The following PEBP4 variants were observed in gnomAD, a reference collection of about 807,000 sequenced individuals.
PEBP4 encodes the protein phosphatidylethanolamine binding protein 4.
In PEBP4, 22 loss-of-function variants were observed where a neutral mutation model predicts 23.9. The observed-to-expected ratio is 0.92, with a 90% CI of 0.66 to 1.31. The LOEUF (loss-of-function observed/expected upper bound fraction) is 1.31, where lower values mean the gene tolerates loss of function less well. PEBP4 is among the 40% of genes most tolerant of loss of function. The pLI is 0.00. For synonymous variants in PEBP4, 112 were observed against 99.3 expected, an observed-to-expected ratio of 1.13 and a Z score of -0.76; for missense variants, 324 against 281.7, an observed-to-expected ratio of 1.15 and a Z score of -1.07.
chr8:22,897,049 G>GTA (rs151263075), intron 3 of PEBP4, among the ~76,000 whole-genome samples: 1,544 of 151,328 alleles, frequency 0.01, 24 homozygotes, highest in African/African-American at 0.035. Context: ...GTGTGTGTAT[G>GTA]TATATATATA....
intron 6 of PEBP4, among the ~76,000 whole-genome samples, chr8:22,722,259 C>G (rs77897470): frequency 0.038 from 5,827 of 152,260 alleles, 141 homozygotes; most frequent in Admixed American, 0.045. Flanking sequence ...TCCTCCTTCT[C>G]TAGGGCCCAG....
At chr8:22,750,630 TG>T (rs371429517) in intron 4 of PEBP4, among the ~76,000 whole-genome samples, 113 of 152,284 alleles carry the variant, frequency 7.4e-4, no homozygotes, top group African/African-American at 2.6e-3. Context: ...CGTGGGAGTT[TG>T]TTTTTTTTCC....
intron 4 of PEBP4, among the ~76,000 whole-genome samples, chr8:22,788,992 G>A (rs571328892): frequency 1.3e-5 from 2 of 152,300 alleles, no homozygotes; most frequent in Non-Finnish European, 2.9e-5. Context: ...ATTATGTGTT[G>A]ACATGGGAAA....
chr8:22,742,227 C>G (rs761421944), intron 4 of PEBP4, among the ~76,000 whole-genome samples: 19 of 152,228 alleles, frequency 1.2e-4, no homozygotes, highest in Non-Finnish European at 2.2e-4. Context: ...GCTGTGCACA[C>G]AAGCAAGGGG....
intron 4 of PEBP4, among the ~76,000 whole-genome samples, chr8:22,729,460 G>A (rs1351117527): frequency 1.3e-5 from 2 of 152,262 alleles, no homozygotes; most frequent in Admixed American, 6.5e-5. Flanking sequence ...CAAGGGTGGG[G>A]GCCAGGGCCA....
intron 6 of PEBP4, among the ~76,000 whole-genome samples, chr8:22,722,863 C>G (rs934922200): frequency 2.6e-5 from 4 of 151,862 alleles, no homozygotes. Flanking sequence ...AGCTCCGCCT[C>G]CCAGGTTCAT....
chr8:22,720,423 GTGGTGGGCA>G (rs1804495545), intron 6 of PEBP4, among the ~76,000 whole-genome samples: 1 of 152,240 alleles, frequency 6.6e-6, no homozygotes, highest in Non-Finnish European at 1.5e-5. Flanking sequence ...CAGATGGGCA[GTGGTGGGCA>G]GGCAGATGTG....
intron 4 of PEBP4, among the ~76,000 whole-genome samples, chr8:22,772,288 ATAAT>A (rs1355686427): frequency 1.3e-5 from 2 of 152,228 alleles, no homozygotes; most frequent in Non-Finnish European, 2.9e-5. Context: ...GAGCAGGGAA[ATAAT>A]TGGACATGGT....
intron 6 of PEBP4, among the ~76,000 whole-genome samples, chr8:22,723,453 CGA>C (rs1804559425): frequency 6.6e-6 from 1 of 152,126 alleles, no homozygotes; most frequent in African/African-American, 2.4e-5. Context: ...ACTTCACCCC[CGA>C]GAGACTCCCG....
chr8:22,914,490 C>A (rs1364371204), intron 3 of PEBP4, among the ~76,000 whole-genome samples: 2 of 152,258 alleles, frequency 1.3e-5, no homozygotes, highest in African/African-American at 4.8e-5. Flanking sequence ...GTAGCCTACT[C>A]CATGGGATCC....
chr8:22,860,187 T>A lies in PEBP4; in HGVS notation c.259-42452A>T. Among the ~76,000 whole-genome samples the A allele has an allele frequency of 5.0e-5, 2 of 40,028 alleles. 1 individual carries two copies. 26.3% of individuals were successfully genotyped at this position (40,028 alleles called of 152,430 possible). A position where few individuals can be genotyped will look rare whatever the true frequency, so the allele number is the denominator to read the frequency against. On this transcript the variant is annotated intron_variant, in intron 3 of 6. Coordinates refer to ENST00000256404, the MANE Select transcript of PEBP4 (RefSeq NM_144962.3). ...ATATATGTATATATATATACACATATATATGTATATATATATATACACATA... is the reference window on the plus strand; with the variant it reads ...ATATATGTATATATATATACACATAAATATGTATATATATATATACACATA...
intron 4 of PEBP4, among the ~76,000 whole-genome samples, chr8:22,755,023 G>GGGC (rs1402065124): frequency 1.3e-5 from 2 of 152,190 alleles, no homozygotes; most frequent in Non-Finnish European, 2.9e-5. Context: ...GCCTGGGCTG[G>GGGC]GGCTTTCCCT....
chr8:22,887,584 G>A (rs1408980520), intron 3 of PEBP4: 1 of 151,914 alleles, frequency 6.6e-6, no homozygotes, highest in African/African-American at 2.4e-5. Flanking sequence ...GGGCAACATG[G>A]AAAAACTCCA....
intron 3 of PEBP4, among the ~76,000 whole-genome samples, chr8:22,830,780 C>T (rs576216437): frequency 1.3e-5 from 2 of 152,200 alleles, no homozygotes; most frequent in Admixed American, 1.3e-4. Context: ...CACCCATTTC[C>T]CCCCTATCAC....
At chr8:22,752,742 A>C (rs537724245) in intron 4 of PEBP4, among the ~76,000 whole-genome samples, 4 of 152,212 alleles carry the variant, frequency 2.6e-5, no homozygotes, top group Non-Finnish European at 5.9e-5. Context: ...AGGCAATGCC[A>C]TTATTCTGGA....
intron 3 of PEBP4, among the ~76,000 whole-genome samples, chr8:22,831,010 C>T (rs1362011165): frequency 1.3e-5 from 2 of 152,176 alleles, no homozygotes; most frequent in Non-Finnish European, 2.9e-5. Context: ...CTGCAACCAG[C>T]CCACTGTCCT....
At chr8:22,816,999 C>A (rs1454889346) in intron 4 of PEBP4, among the ~76,000 whole-genome samples, 1 of 152,216 alleles carries the variant, frequency 6.6e-6, no homozygotes, top group Non-Finnish European at 1.5e-5. Context: ...TTTGGCAACA[C>A]AGCCTTTCCC....
At chr8:22,713,980 C>A (rs1041772606) in intron 6 of PEBP4, among the ~76,000 whole-genome samples, 9 of 152,258 alleles carry the variant, frequency 5.9e-5, no homozygotes, top group South Asian at 2.1e-4. Flanking sequence ...CTGCTCACCC[C>A]TGCTGCTGGG....
chr8:22,904,893 C>T (rs561998814), intron 3 of PEBP4, among the ~76,000 whole-genome samples: 10 of 152,160 alleles, frequency 6.6e-5, no homozygotes, highest in East Asian at 5.8e-4. Context: ...ACATTTAAGA[C>T]GATTTTCTTT....
Sources: gnomAD v4.1 joint callset for allele counts (sites outside exome capture counted in the v4.1 genomes callset) on GRCh38, gnomAD v4.1.1 for gene constraint, MANE v1.5 for transcripts, NCBI Gene and HGNC (gene_info 2026-07-23, HGNC 2026-07-21) for gene names.